CCBE1: variants seen among roughly 807,000 people sequenced by gnomAD.
The protein encoded by CCBE1 is collagen and calcium-binding EGF domain-containing protein 1.
CCBE1 carries 37 observed loss-of-function variants against 50.0 expected under a neutral mutation model. That is an observed-to-expected ratio of 0.74 (90% confidence interval 0.57 to 0.97). CCBE1 has a LOEUF of 0.97. Among genes scored for constraint, CCBE1 ranks in the 50% least tolerant of loss-of-function variants. CCBE1 has a pLI of 0.00. For missense variants in CCBE1, 538 were observed against 523.8 expected (o/e 1.03, Z -0.26); for synonymous variants, 234 against 203.7 (o/e 1.15, Z -1.27).
chr18:59,477,870 G>C (rs1912387155), intron 3 of CCBE1, among the ~76,000 whole-genome samples: 1 of 152,184 alleles, frequency 6.6e-6, no homozygotes, highest in Non-Finnish European at 1.5e-5. Context: ...GTGCCAAGTT[G>C]ACAAGGCATA....
At chr18:59,473,440 T>C (rs1327875279) in intron 3 of CCBE1, among the ~76,000 whole-genome samples, 1 of 152,196 alleles carries the variant, frequency 6.6e-6, no homozygotes, top group Admixed American at 6.5e-5. Flanking sequence ...TAAACCCTTT[T>C]TATAATCTGG....
intron 2 of CCBE1, among the ~76,000 whole-genome samples, chr18:59,637,748 C>G (rs1333665756): frequency 2.0e-5 from 3 of 152,054 alleles, no homozygotes; most frequent in Non-Finnish European, 4.4e-5. Flanking sequence ...GAGAAATGAA[C>G]AAATTCCTAG....
At chr18:59,596,897 A>G (rs910627057) in intron 2 of CCBE1, among the ~76,000 whole-genome samples, 2 of 152,246 alleles carry the variant, frequency 1.3e-5, no homozygotes, top group African/African-American at 4.8e-5. Context: ...AGTCACAAAG[A>G]CAGTACCAGG....
intron 2 of CCBE1, among the ~76,000 whole-genome samples, chr18:59,570,083 A>C (rs1432507297): frequency 6.6e-6 from 1 of 152,228 alleles, no homozygotes; most frequent in Non-Finnish European, 1.5e-5. Context: ...GCTCTTCCTG[A>C]ACACACGCTC....
At position 59,659,549 on chromosome 18, in the gene CCBE1, A is replaced by G. The variant is rs191357511; in HGVS notation, c.212+37080T>C. Among the ~76,000 whole-genome samples the G allele has an allele frequency of 4.7e-4, 72 of 152,320 alleles. No homozygotes were observed. In the Middle Eastern group the frequency reaches 0.01, roughly 22 times the overall value. On this transcript the variant is annotated intron_variant, in intron 2 of 10. Coordinates refer to ENST00000439986, the MANE Select transcript of CCBE1 (RefSeq NM_133459.4). ...AATTCACCGCATGCCAAACTGAAAG[A>G]AAGAACAACATCACGAAACAAAATC... is the stretch of plus-strand genomic sequence containing the variant.
At chr18:59,604,088 A>T (rs2053465152) in intron 2 of CCBE1, among the ~76,000 whole-genome samples, 1 of 152,200 alleles carries the variant, frequency 6.6e-6, no homozygotes, top group Non-Finnish European at 1.5e-5. Context: ...CCTCTTATGC[A>T]GGCAAATAAG....
chr18:59,570,290 TG>T (rs949440906), intron 2 of CCBE1, among the ~76,000 whole-genome samples: 47 of 152,128 alleles, frequency 3.1e-4, no homozygotes, highest in Non-Finnish European at 1.9e-4. Flanking sequence ...AAGGTGGTGC[TG>T]GGGAACATGA....
intron 2 of CCBE1, among the ~76,000 whole-genome samples, chr18:59,582,138 G>C (rs2053093625): frequency 6.6e-6 from 1 of 152,122 alleles, no homozygotes; most frequent in African/African-American, 2.4e-5. Flanking sequence ...CCTCCGGAAA[G>C]CTCTCTTCCT....
intron 2 of CCBE1, among the ~76,000 whole-genome samples, chr18:59,508,195 A>G (rs990884044): frequency 6.6e-6 from 1 of 151,944 alleles, no homozygotes; most frequent in South Asian, 2.1e-4. Context: ...CCCGCCGTTA[A>G]TTAGTACTTC....
intron 2 of CCBE1, among the ~76,000 whole-genome samples, chr18:59,572,761 A>T (rs2052932149): frequency 6.6e-6 from 1 of 152,182 alleles, no homozygotes; most frequent in African/African-American, 2.4e-5. Flanking sequence ...ACAAGAATAA[A>T]CTATGACTTC....
chr18:59,605,347 G>A (rs1446406695), intron 2 of CCBE1, among the ~76,000 whole-genome samples: 1 of 152,178 alleles, frequency 6.6e-6, no homozygotes, highest in Non-Finnish European at 1.5e-5. Flanking sequence ...AAGATGACAA[G>A]TTTTATCCTT....
Position 59,462,546 on chromosome 18 carries a change from CAGCTA to C in CCBE1, c.553+4188_553+4192del, listed in dbSNP as rs577681343. 3.4e-4 allele frequency: 52 copies of C among 152,190 alleles called. 1 individual carries two copies. Among genetic ancestry groups the C allele is most frequent in the African/African-American group, 1.2e-3 (51 of 41,490 alleles). The allele number at this position is 152,190 out of a possible 1,614,324, so 9.4% of individuals were successfully genotyped here. A position where few individuals can be genotyped will look rare whatever the true frequency, so the allele number is the denominator to read the frequency against. On this transcript the variant is annotated intron_variant, in intron 5 of 10. Coordinates refer to ENST00000439986, the MANE Select transcript of CCBE1 (RefSeq NM_133459.4). ...GACTACAGGCATGTACCATTATGCT[CAGCTA>C]ATTTTTAAACAATTTTTAGTAGAGA...
At chr18:59,607,057 G>T (rs1282280247) in intron 2 of CCBE1, among the ~76,000 whole-genome samples, 2 of 117,376 alleles carry the variant, frequency 1.7e-5, no homozygotes, top group East Asian at 2.3e-4. Context: ...GTTGAATTGG[G>T]AAAAAAAAAA....
At chr18:59,658,364 TA>T (rs2054230776) in intron 2 of CCBE1, among the ~76,000 whole-genome samples, 1 of 1,930 alleles carries the variant, frequency 5.2e-4, no homozygotes, top group Non-Finnish European at 7.8e-4. Context: ...AATATATATA[TA>T]TATATATATA....
At chr18:59,480,297 AGTTATTGTT>A (rs1372238888) in intron 2 of CCBE1, 59 bp from the exon 3 acceptor site, 6 of 1,293,430 alleles carry the variant, frequency 4.6e-6, no homozygotes, top group African/African-American at 1.5e-5. Context: ...AATTCTTTCC[AGTTATTGTT>A]GTTTGAATGA....
intron 2 of CCBE1, among the ~76,000 whole-genome samples, chr18:59,490,680 T>G (rs1174839109): frequency 1.3e-5 from 2 of 152,228 alleles, no homozygotes; most frequent in Non-Finnish European, 2.9e-5. Context: ...TGTGACCAGC[T>G]ATGTTTTAAC....
intron 2 of CCBE1, among the ~76,000 whole-genome samples, chr18:59,583,678 T>TGTGTGCGCGCGC (rs2053124660): frequency 1.7e-5 from 1 of 58,562 alleles, no homozygotes; most frequent in African/African-American, 6.7e-5. Flanking sequence ...TGTGTGTGTG[T>TGTGTGCGCGCGC]GTGCGCGCGC....
At chr18:59,633,586 C>A (rs1006043511) in intron 2 of CCBE1, among the ~76,000 whole-genome samples, 3 of 152,182 alleles carry the variant, frequency 2.0e-5, no homozygotes, top group Admixed American at 1.3e-4. Flanking sequence ...GGATCCCTCA[C>A]GCAGTTAATA....
At chr18:59,471,608 G>T (rs1410575905) in intron 3 of CCBE1, among the ~76,000 whole-genome samples, 1 of 152,196 alleles carries the variant, frequency 6.6e-6, no homozygotes, top group Non-Finnish European at 1.5e-5. Context: ...TGGGGTGCCA[G>T]TTACTGAGCT....
Sources: gnomAD v4.1 joint callset for allele counts (sites outside exome capture counted in the v4.1 genomes callset) on GRCh38, gnomAD v4.1.1 for gene constraint, MANE v1.5 for transcripts, NCBI Gene and HGNC (gene_info 2026-07-23, HGNC 2026-07-21) for gene names.